The following LPCAT3 variants were observed in gnomAD, a reference collection of about 807,000 sequenced individuals.
LPCAT3 encodes the protein lysophospholipid acyltransferase 5.
LPCAT3 carries 21 observed loss-of-function variants against 63.4 expected under a neutral mutation model. The ratio of observed to expected loss-of-function variants is 0.33; its 90% confidence interval spans 0.23 to 0.48. The LOEUF is 0.48. Ranked by LOEUF, LPCAT3 falls within the 20% of genes least tolerant of loss-of-function variation. LPCAT3 has a pLI of 0.99. For synonymous variants in LPCAT3, 242 were observed against 227.5 expected (o/e 1.06, Z -0.58); for missense variants, 451 against 590.6 (o/e 0.76, Z 2.45).
chr12:6,991,766 G>A (rs1946592130), intron 1 of LPCAT3, among the ~76,000 whole-genome samples: 1 of 152,284 alleles, frequency 6.6e-6, no homozygotes, highest in South Asian at 2.1e-4. Context: ...GGTGGTCGGT[G>A]AAAAAAGAAG....
At chr12:7,014,892 C>CAAAA (rs375839002) in intron 1 of LPCAT3, among the ~76,000 whole-genome samples, 1 of 57,608 alleles carries the variant, frequency 1.7e-5, no homozygotes, top group Admixed American at 1.9e-4. Flanking sequence ...GACTCCGTCT[C>CAAAA]AAAAAAAAAA....
At chr12:7,003,779 G>A (rs895019402) in intron 1 of LPCAT3, among the ~76,000 whole-genome samples, 191 of 151,788 alleles carry the variant, frequency 1.3e-3, no homozygotes, top group Middle Eastern at 3.4e-3. Flanking sequence ...AAAATTAGCC[G>A]GGCGCGGTGG....
intron 1 of LPCAT3, among the ~76,000 whole-genome samples, chr12:7,004,260 G>C (rs886304159): frequency 6.6e-6 from 1 of 151,960 alleles, no homozygotes; most frequent in African/African-American, 2.4e-5. Context: ...TAGTTTATCC[G>C]GGGCAGAGAA....
At chr12:6,994,096 C>G (rs1310028387) in intron 1 of LPCAT3, among the ~76,000 whole-genome samples, 1 of 152,224 alleles carries the variant, frequency 6.6e-6, no homozygotes, top group Non-Finnish European at 1.5e-5. Flanking sequence ...TTTGGCCTCC[C>G]AGAGTGCTGC....
intron 1 of LPCAT3, among the ~76,000 whole-genome samples, chr12:6,994,420 C>T (rs782358943): frequency 2.0e-5 from 3 of 152,108 alleles, no homozygotes; most frequent in African/African-American, 4.8e-5. Flanking sequence ...GTTGGCCAGG[C>T]TAGTCTCGAA....
At chr12:7,002,836 C>T (rs1946698176) in intron 1 of LPCAT3, among the ~76,000 whole-genome samples, 1 of 151,998 alleles carries the variant, frequency 6.6e-6, no homozygotes, top group Non-Finnish European at 1.5e-5. Context: ...TGGTGAAACC[C>T]CATCTCTACT....
intron 1 of LPCAT3, among the ~76,000 whole-genome samples, chr12:7,000,983 A>T (rs1946682757): frequency 6.6e-6 from 1 of 152,092 alleles, no homozygotes; most frequent in African/African-American, 2.4e-5. Context: ...CTGGGATTAT[A>T]GGTGTGAGCC....
intron 1 of LPCAT3, 97 bp from the exon 2 acceptor site, chr12:6,983,636 A>G (rs782258082): frequency 4.1e-6 from 3 of 727,762 alleles, no homozygotes; most frequent in East Asian, 2.6e-5. Context: ...GCCCAGAGGG[A>G]GAGAGAAAAA....
chr12:7,015,345 A>G (rs1159883439), intron 1 of LPCAT3, among the ~76,000 whole-genome samples: 1 of 152,218 alleles, frequency 6.6e-6, no homozygotes, highest in Non-Finnish European at 1.5e-5. Context: ...TTTGGACTAC[A>G]GGCTTTCTTG....
At chr12:6,979,197 G>A (rs782290294) in intron 7 of LPCAT3, 7 of 493,540 alleles carry the variant, frequency 1.4e-5, no homozygotes, top group African/African-American at 5.8e-5. Flanking sequence ...GAGGGGTCAC[G>A]TGGATGTGAT....
intron 3 of LPCAT3, 88 bp from the exon 4 acceptor site, chr12:6,981,992 C>G (rs782722746): frequency 1.3e-6 from 1 of 746,380 alleles, no homozygotes; most frequent in South Asian, 1.6e-5. Flanking sequence ...TTTTTCCTTT[C>G]TCCTCATCCC....
intron 5 of LPCAT3, 108 bp from the exon 6 acceptor site, chr12:6,981,290 A>G: frequency 1.1e-6 from 1 of 897,442 alleles, no homozygotes; most frequent in South Asian, 1.7e-5. Flanking sequence ...TTCTTCAAAT[A>G]GCCTTCTCTT....
chr12:6,977,050 G>T lies in LPCAT3; in HGVS notation c.*12+84C>A, dbSNP rs112876777. 1 of 876,172 alleles carries T rather than the reference G, an allele frequency of 1.1e-6. No individual in the cohort carries two copies. The highest frequency in any genetic ancestry group is 1.7e-5 in the African/African-American group (1 of 60,582). The allele number at this position is 876,172 out of a possible 1,614,324, so 54.3% of individuals were successfully genotyped here. ...AGGCTAATCCTTGGAATTCACCCCA[G>T]ATTTCTAATACTATTGTTTTTTTCC... On this transcript the variant is annotated intron_variant, in intron 12 of 12. Transcript: ENST00000261407. This position sits in a 1 kb window ranked among gnomAD's most constrained non-coding sequence, Gnocchi z 4.5.
At chr12:7,008,761 AC>A (rs1345225391) in intron 1 of LPCAT3, among the ~76,000 whole-genome samples, 1 of 152,094 alleles carries the variant, frequency 6.6e-6, no homozygotes, top group African/African-American at 2.4e-5. Context: ...CAAAAAAAAA[AC>A]AAAAAACACA....
chr12:7,007,993 A>C (rs1204404616), intron 1 of LPCAT3, among the ~76,000 whole-genome samples: 2 of 152,152 alleles, frequency 1.3e-5, no homozygotes, highest in Non-Finnish European at 2.9e-5. Context: ...AACAGTTATT[A>C]TACACTTGGT....
At chr12:6,978,183 A>AG (rs1239429820) in intron 9 of LPCAT3, 158 bp downstream of exon 9, 9 of 670,786 alleles carry the variant, frequency 1.3e-5, no homozygotes, top group Non-Finnish European at 9.1e-6. Flanking sequence ...TTTTTTTGGG[A>AG]GGGGGGTATA....
chr12:6,979,672 G>C, intron 6 of LPCAT3, 93 bp from the exon 7 acceptor site: 1 of 853,954 alleles, frequency 1.2e-6, no homozygotes, highest in Non-Finnish European at 1.9e-6. Context: ...GTGTTTAGGG[G>C]TGTGGTTGTC....
intron 1 of LPCAT3, among the ~76,000 whole-genome samples, chr12:7,005,846 TCTC>T (rs1555156831): frequency 6.6e-6 from 1 of 152,214 alleles, no homozygotes; most frequent in South Asian, 2.1e-4. Context: ...ACAAATATTT[TCTC>T]CTATTCTGTG....
In LPCAT3 at chr12:6,977,791, T is replaced by C; in HGVS notation, c.1041-46A>G. Reference sequence around the variant, plus strand: ...GGCGACCCTCAAACTGACTGGTCCTTGCATCCCGCCACCTGCCTCTGGGTC... The same window carrying C: ...GGCGACCCTCAAACTGACTGGTCCTCGCATCCCGCCACCTGCCTCTGGGTC... On this transcript the variant is annotated intron_variant, in intron 9 of 12. Transcript: ENST00000261407. This position sits in a 1 kb window ranked among gnomAD's most constrained non-coding sequence, Gnocchi z 4.5. The C allele has an allele frequency of 6.2e-7, 1 of 1,610,046 alleles. No homozygotes were observed. Among genetic ancestry groups the C allele is most frequent in the Non-Finnish European group, 8.5e-7 (1 of 1,177,776 alleles).
Sources: gnomAD v4.1 joint callset for allele counts (sites outside exome capture counted in the v4.1 genomes callset) on GRCh38, gnomAD v4.1.1 for gene constraint, Gnocchi (gnomAD v3.1) non-coding constraint, MANE v1.5 for transcripts, NCBI Gene and HGNC (gene_info 2026-07-23, HGNC 2026-07-21) for gene names.